The following TBC1D9B variants were observed in gnomAD, a reference collection of about 807,000 sequenced individuals.
The protein encoded by TBC1D9B is TBC1 domain family member 9B.
Under a neutral mutation model 121.1 loss-of-function variants are expected in TBC1D9B, and 87 were observed. That is an observed-to-expected ratio of 0.72 (90% CI 0.60 to 0.86). The LOEUF (loss-of-function observed/expected upper bound fraction) is 0.86, where lower values mean the gene tolerates loss of function less well. Ranked by LOEUF, TBC1D9B falls within the 40% of genes least tolerant of loss-of-function variation. TBC1D9B has a pLI of 0.00. For missense variants in TBC1D9B, 1,540 were observed against 1,628.6 expected (o/e 0.95, Z 0.94); for synonymous variants, 668 against 670.1 (o/e 1.00, Z 0.05).
At chr5:179,897,791 GCT>G (rs1761060454) in intron 3 of TBC1D9B, among the ~76,000 whole-genome samples, 1 of 152,200 alleles carries the variant, frequency 6.6e-6, no homozygotes, top group Non-Finnish European at 1.5e-5. Context: ...GCTTGCTTCT[GCT>G]CTCTCCACCT....
At chr5:179,893,717 G>T (rs77599670) in intron 4 of TBC1D9B, among the ~76,000 whole-genome samples, 3 of 144,022 alleles carry the variant, frequency 2.1e-5, no homozygotes, top group Non-Finnish European at 3.1e-5. Context: ...GGAAAGGAAC[G>T]AACGTGCGGA....
At chr5:179,882,754 G>A (rs528423710) in intron 7 of TBC1D9B, among the ~76,000 whole-genome samples, 4 of 152,220 alleles carry the variant, frequency 2.6e-5, no homozygotes, top group Admixed American at 6.5e-5. Context: ...CGGGCCTGAG[G>A]CACAAGACTG....
In TBC1D9B at chr5:179,891,434, A is replaced by G; in HGVS notation, c.989T>C (p.Ile330Thr). 6.2e-7 allele frequency: 1 copy of G among 1,614,210 alleles called. No homozygotes were observed. The highest frequency in any genetic ancestry group is 1.1e-5 in the South Asian group (1 of 91,086). ...PGQMFISNNY[I>T]CFASKEEDAC... is the part of the protein sequence containing the mutation. The stretch of plus-strand genomic sequence containing the variant: ...GTCCTCCTCCTTGCTGGCGAAGCAG[A>G]TGTAGTTGTTGGAGATGAACATCTG... The change falls in exon 6 of 21, where the codon ATC (isoleucine) becomes ACC (threonine). Residue 330 changes from isoleucine (I) to threonine (T), a missense_variant. Coordinates refer to ENST00000355235, the MANE Select transcript of TBC1D9B (RefSeq NM_015043.4). This position sits in a 1 kb window ranked among gnomAD's most constrained non-coding sequence, Gnocchi z 4.3.
At chr5:179,899,029 C>A (rs766001836) in intron 3 of TBC1D9B, among the ~76,000 whole-genome samples, 160 bp downstream of exon 3, 1 of 152,194 alleles carries the variant, frequency 6.6e-6, no homozygotes, top group African/African-American at 2.4e-5. Context: ...TCACGAGTTC[C>A]TCTGCCCCTT....
Position 179,879,611 on chromosome 5 carries a change from C to T in TBC1D9B, c.1416+17G>A, listed in dbSNP as rs368870411. On this transcript the variant is annotated intron_variant, in intron 8 of 20. Transcript: ENST00000355235. ...CCGCTCTTGACGGAGGCTGGAGTGC[C>T]GGCGCTCAGGGCTCACCCCCTTGGC... The T allele has an allele frequency of 3.0e-4, 491 of 1,613,640 alleles. 1 individual carries two copies. The highest frequency in any genetic ancestry group is 3.7e-4 in the Non-Finnish European group (442 of 1,179,844).
At chr5:179,877,349 A>G (rs114268018) in intron 10 of TBC1D9B, among the ~76,000 whole-genome samples, 25 of 152,014 alleles carry the variant, frequency 1.6e-4, no homozygotes, top group African/African-American at 5.8e-4. Context: ...AATAATAATA[A>G]TAATTTAAAA....
intron 2 of TBC1D9B, among the ~76,000 whole-genome samples, chr5:179,899,877 T>G (rs902354555): frequency 6.6e-6 from 1 of 152,072 alleles, no homozygotes; most frequent in African/African-American, 2.4e-5. Context: ...ACCTTGTGTC[T>G]GCCCCACCTA....
At position 179,874,043 on chromosome 5, in the gene TBC1D9B, G is replaced by A. The variant is rs1250084758; in HGVS notation, c.2187-795C>T. On this transcript the variant is annotated intron_variant, in intron 12 of 20. Coordinates refer to ENST00000355235, the MANE Select transcript of TBC1D9B (RefSeq NM_015043.4). The surrounding 1 kb of genome is among the most constrained non-coding windows in gnomAD (Gnocchi z 4.3). ...AGAGTCCCAGGCAGCACCTGGCCTG[G>A]CCATGGGCAAGTGGCAGAGTCCCAG... is the stretch of plus-strand genomic sequence containing the variant. Among the ~76,000 whole-genome samples, 1 of 152,210 alleles carries A rather than the reference G, an allele frequency of 6.6e-6. No homozygotes were observed. Among genetic ancestry groups the A allele is most frequent in the African/African-American group, 2.4e-5 (1 of 41,444 alleles).
chr5:179,898,940 C>A (rs1761088182), intron 3 of TBC1D9B, among the ~76,000 whole-genome samples: 1 of 152,224 alleles, frequency 6.6e-6, no homozygotes, highest in Admixed American at 6.5e-5. Context: ...TTCCAAGGCA[C>A]TTGGGTAGGA....
rs867627259 is a variant in TBC1D9B at position 179,862,876 on chromosome 5, C to T, written c.*572G>A. 4.3e-5 allele frequency: 14 copies of T among 327,060 alleles called. No individual in the cohort carries two copies. Among genetic ancestry groups the T allele is most frequent in the African/African-American group, 1.3e-4 (6 of 46,552 alleles). 20.3% of individuals were successfully genotyped at this position (327,060 alleles called of 1,614,324 possible). A position where few individuals can be genotyped will look rare whatever the true frequency, so the allele number is the denominator to read the frequency against. ...TGGAAAGGATGATGAGCTGAGAGCA[C>T]GTGTACAGCCACGCCTGTGCGCAGC... On this transcript the variant is annotated 3_prime_UTR_variant, in exon 21 of 21. Coordinates refer to ENST00000355235, the MANE Select transcript of TBC1D9B (RefSeq NM_015043.4).
At chr5:179,864,238 C>G in intron 20 of TBC1D9B, 110 bp from the exon 21 acceptor site, 1 of 1,116,888 alleles carries the variant, frequency 9.0e-7, no homozygotes, top group Non-Finnish European at 1.3e-6. Flanking sequence ...TGGCTGCCGT[C>G]TTGCTAATCA....
At chr5:179,867,722 C>T (rs373879135) in intron 18 of TBC1D9B, 56 bp downstream of exon 18, 15 of 1,602,344 alleles carry the variant, frequency 9.4e-6, no homozygotes, top group Middle Eastern at 3.4e-4. Context: ...CACAGGAAGG[C>T]GGCGGTGGCT....
At chr5:179,886,068 C>T (rs879302514) in intron 7 of TBC1D9B, among the ~76,000 whole-genome samples, 7 of 152,202 alleles carry the variant, frequency 4.6e-5, no homozygotes, top group Admixed American at 2.6e-4. Context: ...CTGCTTCTTT[C>T]GAGTTTCTCC....
chr5:179,897,928 C>T (rs1475079510), intron 3 of TBC1D9B, among the ~76,000 whole-genome samples: 1 of 152,226 alleles, frequency 6.6e-6, no homozygotes, highest in Admixed American at 6.5e-5. Context: ...TCACATGGGC[C>T]TGCCCAAAGC....
chr5:179,876,026 G>C lies in TBC1D9B; in HGVS notation c.1794C>G (p.Ile598Met), dbSNP rs781613172. ...PTIGYCQAMN[I>M]VTSVLLLYGS... ...CATAGAGCAGGAGCACCGAGGTCAC[G>C]ATGTTCATTGCCTGCCGGGCACAGA... The change falls in exon 11 of 21, where the codon ATC (isoleucine) becomes ATG (methionine). Residue 598 changes from isoleucine to methionine, a missense_variant. Physicochemically the swap from Ile to Met is conservative, Grantham distance 10. Transcript: ENST00000355235. 2 of 1,612,484 alleles carry C rather than the reference G, an allele frequency of 1.2e-6. No individual in the cohort carries two copies. Among genetic ancestry groups the C allele is most frequent in the South Asian group, 2.2e-5 (2 of 90,748 alleles).
At position 179,886,522 on chromosome 5, in the gene TBC1D9B, C is replaced by T. The variant is rs145555567; in HGVS notation, c.1254+1581G>A. On this transcript the variant is annotated intron_variant, in intron 7 of 20. Coordinates refer to ENST00000355235, the MANE Select transcript of TBC1D9B (RefSeq NM_015043.4). Reference sequence around the variant, plus strand: ...AATCCCAGATGAAGCCCAACCTTCTCCACACCTTTCTTCATGTCTGCAATC... The same window carrying T: ...AATCCCAGATGAAGCCCAACCTTCTTCACACCTTTCTTCATGTCTGCAATC... Among the ~76,000 whole-genome samples the T allele has an allele frequency of 3.3e-5, 5 of 152,320 alleles. No homozygotes were observed. In the East Asian group the frequency reaches 9.6e-4, roughly 29 times the overall value.
intron 20 of TBC1D9B, 99 bp from the exon 21 acceptor site, chr5:179,864,227 T>C: frequency 1.6e-6 from 2 of 1,232,438 alleles, no homozygotes; most frequent in East Asian, 2.6e-5. Context: ...CCTAAGGATG[T>C]TGGCTGCCGT....
Position 179,907,884 on chromosome 5 carries a change from C to CCGGGG in TBC1D9B, c.-64_-63insCCCCG, listed in dbSNP as rs1761373401. On this transcript the variant is annotated 5_prime_UTR_variant, in exon 1 of 21. Coordinates refer to ENST00000355235, the MANE Select transcript of TBC1D9B (RefSeq NM_015043.4). The surrounding 1 kb of genome is among the most constrained non-coding windows in gnomAD (Gnocchi z 5.3). ...GGAAGCGCCCGCCGCCGTCGGCGTC[C>CCGGGG]CGGAGCGGAGCGTGCGGAGCGGAGC... 4.4e-5 allele frequency: 41 copies of CCGGGG among 937,176 alleles called. No individual in the cohort carries two copies. Among genetic ancestry groups the CCGGGG allele is most frequent in the Admixed American group, 6.1e-5 (1 of 16,442 alleles). 58.1% of individuals were successfully genotyped at this position (937,176 alleles called of 1,614,324 possible).
At chr5:179,894,225 C>T (rs1421218307) in intron 4 of TBC1D9B, among the ~76,000 whole-genome samples, 161 bp downstream of exon 4, 2 of 152,110 alleles carry the variant, frequency 1.3e-5, no homozygotes, top group African/African-American at 2.4e-5. Context: ...AGCAGGTGTA[C>T]GCCTGGCCAA....
Sources: allele counts gnomAD v4.1 joint callset (sites outside exome capture counted in the v4.1 genomes callset), GRCh38; gene constraint gnomAD v4.1.1; non-coding constraint Gnocchi (gnomAD v3.1); transcripts MANE v1.5; gene names NCBI Gene and HGNC (gene_info 2026-07-23, HGNC 2026-07-21).